RANBP2: variants seen among roughly 807,000 people sequenced by gnomAD.
RANBP2 encodes E3 SUMO-protein ligase RanBP2.
A neutral mutation model predicts 303.6 loss-of-function variants in RANBP2; 57 were observed. That is an observed-to-expected ratio of 0.19 (90% confidence interval 0.15 to 0.23). The LOEUF (loss-of-function observed/expected upper bound fraction) is 0.23, where lower values mean the gene tolerates loss of function less well. Ranked by LOEUF, RANBP2 falls within the 10% of genes least tolerant of loss-of-function variation. The probability of loss-of-function intolerance (pLI) is 1.00; values close to 1 mark genes in which losing one functional copy is unlikely to be tolerated. For missense variants in RANBP2, 3,138 were observed against 3,780.8 expected (o/e 0.83, Z 4.46); for synonymous variants, 1,167 against 1,301.5 (o/e 0.90, Z 2.23).
chr2:108,779,012 G>A (rs1207430441), intron 25 of RANBP2, among the ~76,000 whole-genome samples: 1 of 152,176 alleles, frequency 6.6e-6, no homozygotes, highest in East Asian at 1.9e-4. Flanking sequence ...TTGTAGGCAT[G>A]AGCCACTGCA....
At chr2:109,298,214 G>A in the RANBP2 span, among the ~76,000 whole-genome samples, 1 of 152,178 alleles carries the variant, frequency 6.6e-6, no homozygotes. Context: ...ATGCAGAGAA[G>A]GGAAGGAGAG....
At chr2:109,182,825 T>C in the RANBP2 span, among the ~76,000 whole-genome samples, 6 of 152,170 alleles carry the variant, frequency 3.9e-5, no homozygotes, top group Non-Finnish European at 5.9e-5. Context: ...AATAGAATGC[T>C]CAACTGCCTG....
chr2:109,230,877 CCTTTGGGGG>C, the RANBP2 span, among the ~76,000 whole-genome samples: 14 of 152,198 alleles, frequency 9.2e-5, 1 homozygote, highest in African/African-American at 3.1e-4. Context: ...AATAGGACTC[CCTTTGGGGG>C]CTTTGGGGGC....
the RANBP2 span, among the ~76,000 whole-genome samples, chr2:109,062,703 A>G: frequency 6.6e-6 from 1 of 152,164 alleles, no homozygotes; most frequent in African/African-American, 2.4e-5. Context: ...CCTCATGGAC[A>G]GTGCCCTCTC....
At chr2:109,140,751 C>T in the RANBP2 span, among the ~76,000 whole-genome samples, 1 of 152,164 alleles carries the variant, frequency 6.6e-6, no homozygotes, top group African/African-American at 2.4e-5. Flanking sequence ...GTGCTCTACA[C>T]GTGGTTAATA....
At chr2:109,282,977 C>T in the RANBP2 span, among the ~76,000 whole-genome samples, 1 of 152,172 alleles carries the variant, frequency 6.6e-6, no homozygotes, top group Non-Finnish European at 1.5e-5. Flanking sequence ...CTGGGTCCTA[C>T]TCCCTCACGT....
the RANBP2 span, among the ~76,000 whole-genome samples, chr2:109,637,564 A>G: frequency 1.3e-5 from 2 of 152,146 alleles, no homozygotes; most frequent in African/African-American, 4.8e-5. Flanking sequence ...CCCCTGGTTT[A>G]TTGAGACTAG....
the RANBP2 span, among the ~76,000 whole-genome samples, chr2:109,315,461 C>T: frequency 2.6e-5 from 4 of 152,230 alleles, no homozygotes; most frequent in African/African-American, 9.7e-5. Context: ...CTGTAGAATG[C>T]ACTTGCTTTT....
the RANBP2 span, among the ~76,000 whole-genome samples, chr2:109,475,473 C>T: frequency 2.0e-5 from 3 of 152,218 alleles, no homozygotes; most frequent in African/African-American, 7.2e-5. Context: ...AGGAATGGGT[C>T]GAGAGGCAGC....
the RANBP2 span, among the ~76,000 whole-genome samples, chr2:108,874,922 A>T: frequency 1.4e-5 from 2 of 147,328 alleles, no homozygotes; most frequent in South Asian, 2.1e-4. Flanking sequence ...AATTCATGGG[A>T]TTTTTTTTTT....
the RANBP2 span, among the ~76,000 whole-genome samples, chr2:108,990,816 C>T: frequency 2.0e-5 from 3 of 152,066 alleles, no homozygotes; most frequent in Non-Finnish European, 4.4e-5. Context: ...CTGCTCATGC[C>T]GAGTTCAGAC....
the RANBP2 span, among the ~76,000 whole-genome samples, chr2:108,854,874 G>A: frequency 1.3e-5 from 2 of 152,156 alleles, no homozygotes; most frequent in African/African-American, 2.4e-5. Flanking sequence ...GGGCAGTAGA[G>A]TTCACCTTTT....
At chr2:109,162,963 C>T in the RANBP2 span, among the ~76,000 whole-genome samples, 1 of 152,180 alleles carries the variant, frequency 6.6e-6, no homozygotes, top group Admixed American at 6.5e-5. Flanking sequence ...TGTCACCTCT[C>T]CAAGGGATTT....
At chr2:109,021,477 G>T in the RANBP2 span, among the ~76,000 whole-genome samples, 337 of 148,964 alleles carry the variant, frequency 2.3e-3, no homozygotes, top group African/African-American at 7.9e-3. Context: ...GAGCCGAGAT[G>T]GCGCCACTGC....
the RANBP2 span, among the ~76,000 whole-genome samples, chr2:108,943,100 A>G: frequency 6.6e-6 from 1 of 152,162 alleles, no homozygotes; most frequent in Non-Finnish European, 1.5e-5. Context: ...GAGTCCCAGC[A>G]TGAAGCAAAG....
chr2:109,020,500 C>A, the RANBP2 span, among the ~76,000 whole-genome samples: 2 of 152,192 alleles, frequency 1.3e-5, no homozygotes, highest in African/African-American at 2.4e-5. Flanking sequence ...CAGATTCCAA[C>A]GTGAACAATG....
the RANBP2 span, chr2:109,604,714 T>C: frequency 3.0e-5 from 4 of 132,604 alleles, no homozygotes; most frequent in Non-Finnish European, 6.5e-5. Context: ...AGAACGAGAC[T>C]CTGGGGAGGG....
At chr2:108,907,887 C>A in the RANBP2 span, 4 of 1,613,674 alleles carry the variant, frequency 2.5e-6, no homozygotes, top group Admixed American at 1.7e-5. Context: ...TGGTGGCAGA[C>A]TTCTCCCTGG....
At chr2:109,320,008 G>T in the RANBP2 span, among the ~76,000 whole-genome samples, 1 of 152,154 alleles carries the variant, frequency 6.6e-6, no homozygotes, top group Non-Finnish European at 1.5e-5. Context: ...TATTCTGGAG[G>T]TTCCCAGCTG....
Sources: allele counts gnomAD v4.1 joint callset (sites outside exome capture counted in the v4.1 genomes callset), GRCh38; gene constraint gnomAD v4.1.1; transcripts MANE v1.5; gene names NCBI Gene and HGNC (gene_info 2026-07-23, HGNC 2026-07-21).